Variants in TNIP3 observed in about 807,000 individuals in gnomAD.
TNIP3 encodes TNFAIP3 interacting protein 3, also known as TNFAIP3-interacting protein 3.
Under a neutral mutation model 54.1 loss-of-function variants are expected in TNIP3, and 34 were observed. The observed-to-expected ratio is 0.63, with a 90% confidence interval of 0.48 to 0.84. The LOEUF (loss-of-function observed/expected upper bound fraction) is 0.84. Among genes scored for constraint, TNIP3 ranks in the 40% least tolerant of loss-of-function variants. The pLI is 0.00. For synonymous variants in TNIP3, 134 were observed against 136.8 expected, an observed-to-expected ratio of 0.98 and a Z score of 0.14; for missense variants, 366 against 387.6, an observed-to-expected ratio of 0.94 and a Z score of 0.47.
At chr4:121,211,422 C>T (rs1379863200) in intron 2 of TNIP3, among the ~76,000 whole-genome samples, 2 of 152,140 alleles carry the variant, frequency 1.3e-5, no homozygotes, top group Non-Finnish European at 2.9e-5. Flanking sequence ...GGGATGAAAA[C>T]TCAACTCACT....
At chr4:121,215,981 T>C (rs1441355044) in intron 2 of TNIP3, among the ~76,000 whole-genome samples, 3 of 151,702 alleles carry the variant, frequency 2.0e-5, no homozygotes. Flanking sequence ...AAGTAAGGGA[T>C]TTTTTTTCAT....
At chr4:121,203,667 A>T (rs955846440) in intron 2 of TNIP3, among the ~76,000 whole-genome samples, 6 of 152,158 alleles carry the variant, frequency 3.9e-5, no homozygotes, top group African/African-American at 1.2e-4. Flanking sequence ...AAACTTATTT[A>T]TCAGGTTATT....
At chr4:121,199,093 T>G (rs936807920) in intron 2 of TNIP3, among the ~76,000 whole-genome samples, 4 of 152,158 alleles carry the variant, frequency 2.6e-5, no homozygotes, top group Non-Finnish European at 5.9e-5. Context: ...AACTCAGATG[T>G]GACATGGCAG....
Position 121,174,289 on chromosome 4 carries a change from G to A in TNIP3, c.189+8387C>T, listed in dbSNP as rs952969868. 9.2e-5 allele frequency among the ~76,000 whole-genome samples: 14 copies of A among 151,880 alleles called. No homozygotes were observed. The East Asian group carries it at 1.7e-3, about 19-fold the overall frequency. ...GCATGGTGGCTGACACCTATAATCC[G>A]ACCACTTTGGGAGGCTGAGACTGGG... On this transcript the variant is annotated intron_variant, in intron 3 of 12. Transcript: ENST00000507879.
At chr4:121,197,228 T>G (rs1286037873) in intron 2 of TNIP3, among the ~76,000 whole-genome samples, 1 of 152,122 alleles carries the variant, frequency 6.6e-6, no homozygotes, top group African/African-American at 2.4e-5. Flanking sequence ...AATGCTCTCT[T>G]TAAGAACACC....
chr4:121,171,137 G>A (rs1731042586), intron 3 of TNIP3, among the ~76,000 whole-genome samples: 1 of 152,144 alleles, frequency 6.6e-6, no homozygotes, highest in African/African-American at 2.4e-5. Context: ...TCTTTTGTCA[G>A]ATTAAGTTTG....
At chr4:121,215,057 G>A (rs1726708363) in intron 2 of TNIP3, among the ~76,000 whole-genome samples, 1 of 152,172 alleles carries the variant, frequency 6.6e-6, no homozygotes, top group African/African-American at 2.4e-5. Flanking sequence ...TGATTGAGGT[G>A]AATGGGAGAA....
upstream of TNIP3, among the ~76,000 whole-genome samples, chr4:121,220,062 A>G (rs1332496991): frequency 2.0e-5 from 3 of 152,204 alleles, no homozygotes; most frequent in African/African-American, 7.2e-5. Context: ...GATTCTATAA[A>G]GTAATAGGCT....
upstream of TNIP3, chr4:121,164,432 C>G (rs1266666620): frequency 4.4e-5 from 38 of 854,828 alleles, no homozygotes; most frequent in Non-Finnish European, 5.7e-5. Flanking sequence ...GCAGATTAGC[C>G]TTGCTATAGT....
At chr4:121,144,311 T>C (rs1039288328) in intron 7 of TNIP3, among the ~76,000 whole-genome samples, 1 of 152,212 alleles carries the variant, frequency 6.6e-6, no homozygotes, top group African/African-American at 2.4e-5. Flanking sequence ...CTATTAAACA[T>C]GCCCCCTCTT....
chr4:121,203,432 C>T lies in TNIP3; in HGVS notation c.68+12983G>A, dbSNP rs1238285867. Among the ~76,000 whole-genome samples the T allele has an allele frequency of 2.6e-5, 4 of 152,078 alleles. No homozygotes were observed. The East Asian group carries it at 7.7e-4, about 29-fold the overall frequency. ...GAGCTAAGCTATGAGAACTCAAATG[C>T]ATGAGAATGATACAATGGACTTTGG... On this transcript the variant is annotated intron_variant, in intron 2 of 12. Coordinates refer to the TNIP3 transcript ENST00000507879.
chr4:121,219,127 G>A (rs1208021442), upstream of TNIP3, among the ~76,000 whole-genome samples: 1 of 151,440 alleles, frequency 6.6e-6, no homozygotes, highest in Non-Finnish European at 1.5e-5. Flanking sequence ...TTGAACCAAG[G>A]AGGCGGAGGT....
At chr4:121,191,519 GT>G (rs1356796340) in intron 2 of TNIP3, among the ~76,000 whole-genome samples, 11 of 152,306 alleles carry the variant, frequency 7.2e-5, no homozygotes, top group African/African-American at 2.4e-4. Flanking sequence ...ATGAAGTAGA[GT>G]ATATAAGTTA....
At chr4:121,174,352 C>T (rs2148823121) in intron 3 of TNIP3, among the ~76,000 whole-genome samples, 1 of 152,100 alleles carries the variant, frequency 6.6e-6, no homozygotes, top group East Asian at 1.9e-4. Flanking sequence ...TTATAGTGAG[C>T]CATGATTGCA....
chr4:121,211,108 G>A (rs1726456463), intron 2 of TNIP3, among the ~76,000 whole-genome samples: 1 of 152,108 alleles, frequency 6.6e-6, no homozygotes, highest in South Asian at 2.1e-4. Context: ...AAGCAGAAAT[G>A]TCCCTGACAT....
intron 10 of TNIP3, among the ~76,000 whole-genome samples, chr4:121,137,046 T>C (rs1324966192): frequency 6.6e-6 from 1 of 152,180 alleles, no homozygotes; most frequent in Non-Finnish European, 1.5e-5. Context: ...ATATTCTATT[T>C]AGTTTCTGAA....
intron 9 of TNIP3, 78 bp downstream of exon 9, chr4:121,141,738 G>A: frequency 1.0e-6 from 1 of 973,388 alleles, no homozygotes; most frequent in Non-Finnish European, 1.4e-6. Context: ...ATAATATAAT[G>A]TGCTGAAATT....
intron 1 of TNIP3, among the ~76,000 whole-genome samples, chr4:121,224,485 T>A (rs928850314): frequency 2.6e-5 from 4 of 152,226 alleles, no homozygotes; most frequent in Admixed American, 2.0e-4. Flanking sequence ...CAAGATCCTC[T>A]CAGACTAATT....
At chr4:121,191,824 T>A (rs116723254) in intron 2 of TNIP3, among the ~76,000 whole-genome samples, 193 of 152,248 alleles carry the variant, frequency 1.3e-3, no homozygotes, top group African/African-American at 4.4e-3. Context: ...TAAGGCTGAG[T>A]TTCATTGGGA....
Sources: gnomAD v4.1 joint callset for allele counts (sites outside exome capture counted in the v4.1 genomes callset) on GRCh38, gnomAD v4.1.1 for gene constraint, MANE v1.5 for transcripts, NCBI Gene and HGNC (gene_info 2026-07-23, HGNC 2026-07-21) for gene names.